The following CELF2 variants were observed in gnomAD, a reference collection of about 807,000 sequenced individuals.
CELF2 encodes the protein CUG triplet repeat RNA-binding protein 2.
A neutral mutation model predicts 62.6 loss-of-function variants in CELF2; 8 were observed. The ratio of observed to expected loss-of-function variants is 0.13; its 90% confidence interval spans 0.07 to 0.23. CELF2 has a LOEUF of 0.23. Ranked by LOEUF, CELF2 falls within the 10% of genes least tolerant of loss-of-function variation. The pLI is 1.00. For missense variants in CELF2, 333 were observed against 671.0 expected, an observed-to-expected ratio of 0.50 and a Z score of 5.56; for synonymous variants, 258 against 250.0, an observed-to-expected ratio of 1.03 and a Z score of -0.30.
At chr10:10,924,280 C>CAAAAAAAA (rs1564827054) in intron 2 of CELF2, among the ~76,000 whole-genome samples, 1 of 52,654 alleles carries the variant, frequency 1.9e-5, no homozygotes, top group African/African-American at 5.2e-5. Flanking sequence ...AGACTCCGTC[C>CAAAAAAAA]CAAAAAAAAA....
At chr10:10,665,466 T>C in the CELF2 span, among the ~76,000 whole-genome samples, 5 of 152,206 alleles carry the variant, frequency 3.3e-5, no homozygotes, top group Non-Finnish European at 5.9e-5. Context: ...TCTAAACATC[T>C]TGAATTACCT....
At chr10:11,132,811 T>C (rs2059816893) in intron 1 of CELF2, among the ~76,000 whole-genome samples, 1 of 152,208 alleles carries the variant, frequency 6.6e-6, no homozygotes, top group East Asian at 1.9e-4. Context: ...CCTTAGGCCT[T>C]TGCTCATGAT....
intron 1 of CELF2, among the ~76,000 whole-genome samples, chr10:10,848,146 T>C (rs1432916909): frequency 6.6e-6 from 1 of 152,228 alleles, no homozygotes; most frequent in African/African-American, 2.4e-5. Context: ...TTCGTTTCCT[T>C]TTCCTATAAG....
intron 1 of CELF2, among the ~76,000 whole-genome samples, chr10:10,848,968 A>G (rs199899298): frequency 6.6e-6 from 1 of 152,196 alleles, no homozygotes; most frequent in Non-Finnish European, 1.5e-5. Flanking sequence ...AAATCAGACA[A>G]CAGCCTCTCT....
rs1196646204 is a variant in CELF2 at position 11,290,520 on chromosome 10, C to T, written c.976+1968C>T. On this transcript the variant is annotated intron_variant, in intron 9 of 12. Coordinates refer to ENST00000633077, the MANE Select transcript of CELF2 (RefSeq NM_001326342.2). This position sits in a 1 kb window ranked among gnomAD's most constrained non-coding sequence, Gnocchi z 4.3. ...CCAGCCTGGGCGACGAGCGAGACTC[C>T]GTCTAAAAAAAAAAAAAAAATGTGG... Among the ~76,000 whole-genome samples the T allele has an allele frequency of 3.2e-5, 4 of 124,710 alleles. No individual in the cohort carries two copies. Among genetic ancestry groups the T allele is most frequent in the Admixed American group, 9.2e-5 (1 of 10,856 alleles). The allele number at this position is 124,710 out of a possible 152,430, so 81.8% of individuals were successfully genotyped here. A position where few individuals can be genotyped will look rare whatever the true frequency, so the allele number is the denominator to read the frequency against.
Position 10,974,327 on chromosome 10 carries a change from A to T in CELF2, c.89+54328A>T, listed in dbSNP as rs115623989. On this transcript the variant is annotated intron_variant, in intron 2 of 13. Transcript: ENST00000636488. ...ATACAGTGAATTATCTCACCAAAAG[A>T]TTCTCATCTTAATTAAAAGTTTTCA... Among the ~76,000 whole-genome samples the T allele has an allele frequency of 4.0e-3, 607 of 152,314 alleles. 7 individuals are homozygous for T. The highest frequency in any genetic ancestry group is 0.014 in the African/African-American group (587 of 41,578).
At chr10:11,047,636 A>T (rs368031832) in intron 1 of CELF2, among the ~76,000 whole-genome samples, 66 of 151,872 alleles carry the variant, frequency 4.3e-4, no homozygotes, top group African/African-American at 1.5e-3. Context: ...TGTAGATTCA[A>T]TAGGCAAAAT....
chr10:10,771,402 A>C, the CELF2 span, among the ~76,000 whole-genome samples: 2 of 152,158 alleles, frequency 1.3e-5, no homozygotes, highest in African/African-American at 4.8e-5. Context: ...AGCAGAGGTA[A>C]GCAAGCATGG....
intron 1 of CELF2, among the ~76,000 whole-genome samples, chr10:10,848,556 T>G (rs2132705757): frequency 6.6e-6 from 1 of 152,340 alleles, no homozygotes. Flanking sequence ...GAGCCACCCA[T>G]AACAGAAGGC....
the CELF2 span, among the ~76,000 whole-genome samples, chr10:10,554,086 G>A: frequency 0.13 from 19,266 of 152,132 alleles, 1,345 homozygotes; most frequent in South Asian, 0.19. Context: ...GAGAGACCAT[G>A]GCTTGGACTA....
upstream of CELF2, among the ~76,000 whole-genome samples, chr10:10,796,426 T>TAGCTGC (rs1268479118): frequency 6.6e-6 from 1 of 152,222 alleles, no homozygotes; most frequent in African/African-American, 2.4e-5. Context: ...CTTTAAAAAG[T>TAGCTGC]TTTTGAAAAG....
chr10:10,631,461 C>T, the CELF2 span, among the ~76,000 whole-genome samples: 1 of 152,148 alleles, frequency 6.6e-6, no homozygotes, highest in Non-Finnish European at 1.5e-5. Context: ...GAGAAAATTC[C>T]AGAAGTTCTC....
chr10:10,606,912 T>C, the CELF2 span, among the ~76,000 whole-genome samples: 6 of 152,212 alleles, frequency 3.9e-5, no homozygotes, highest in African/African-American at 1.4e-4. Context: ...AAGAACTAAC[T>C]GTGTACCCTG....
chr10:10,522,083 C>T, the CELF2 span, among the ~76,000 whole-genome samples: 1 of 152,322 alleles, frequency 6.6e-6, no homozygotes, highest in East Asian at 1.9e-4. Flanking sequence ...AACCTTGCAA[C>T]TTCCTCACAT....
chr10:10,785,232 G>A, the CELF2 span, among the ~76,000 whole-genome samples: 4 of 152,280 alleles, frequency 2.6e-5, no homozygotes, highest in Non-Finnish European at 5.9e-5. Flanking sequence ...TCACCTGGAA[G>A]TTTTAAATAA....
chr10:11,211,382 T>G lies in CELF2; in HGVS notation c.272-6043T>G, dbSNP rs563283343. On this transcript the variant is annotated intron_variant, in intron 2 of 12. Coordinates refer to ENST00000633077, the MANE Select transcript of CELF2 (RefSeq NM_001326342.2). The surrounding 1 kb of genome is among the most constrained non-coding windows in gnomAD (Gnocchi z 4.8). Reference sequence around the variant, plus strand: ...AGCATCAAACCTTGGTTTAGAAACCTTGGAGGAAGTTTCTTTAATGAGTAT... The same window carrying G: ...AGCATCAAACCTTGGTTTAGAAACCGTGGAGGAAGTTTCTTTAATGAGTAT... Among the ~76,000 whole-genome samples, 37 of 152,322 alleles carry G rather than the reference T, an allele frequency of 2.4e-4. No homozygotes were observed. The highest frequency in any genetic ancestry group is 1.7e-3 in the Admixed American group (26 of 15,304).
chr10:10,779,119 A>G, the CELF2 span, among the ~76,000 whole-genome samples: 3,213 of 152,324 alleles, frequency 0.021, 131 homozygotes, highest in African/African-American at 0.073. Flanking sequence ...CCGCCTCCTT[A>G]TACTGTATCA....
chr10:10,890,349 G>C (rs1214482094), intron 1 of CELF2, among the ~76,000 whole-genome samples: 1 of 152,182 alleles, frequency 6.6e-6, no homozygotes, highest in Admixed American at 6.5e-5. Context: ...AATTAAGGAT[G>C]TGGGAATGCA....
intron 1 of CELF2, among the ~76,000 whole-genome samples, chr10:10,866,684 C>T (rs1021404207): frequency 6.7e-4 from 100 of 149,938 alleles, no homozygotes; most frequent in African/African-American, 2.3e-3. Context: ...GGGCCGGGCG[C>T]GGTGGCTCAC....
Sources: gnomAD v4.1 joint callset for allele counts (sites outside exome capture counted in the v4.1 genomes callset) on GRCh38, gnomAD v4.1.1 for gene constraint, Gnocchi (gnomAD v3.1) non-coding constraint, MANE v1.5 for transcripts, NCBI Gene and HGNC (gene_info 2026-07-23, HGNC 2026-07-21) for gene names.